Variants in P2RY2 observed in about 807,000 individuals in gnomAD.
The protein encoded by P2RY2 is P2Y purinoceptor 2.
For synonymous variants in P2RY2, 241 were observed against 231.9 expected (o/e 1.04, Z -0.35); for missense variants, 567 against 515.7 (o/e 1.10, Z -0.96).
Position 73,236,284 on chromosome 11 carries a change from A to T in P2RY2, c.*991A>T, listed in dbSNP as rs1195750486. 1.5e-6 allele frequency: 1 copy of T among 650,040 alleles called. No homozygotes were observed. Among genetic ancestry groups the T allele is most frequent in the Non-Finnish European group, 2.0e-6 (1 of 509,778 alleles). The allele number at this position is 650,040 out of a possible 1,614,324, so 40.3% of individuals were successfully genotyped here. A position where few individuals can be genotyped will look rare whatever the true frequency, so the allele number is the denominator to read the frequency against. Reference sequence around the variant, plus strand: ...GAACCCCTTCTTTGTAGAACTGCCCATTTCCATGGTGCAAAAACTCTTATG... The same window carrying T: ...GAACCCCTTCTTTGTAGAACTGCCCTTTTCCATGGTGCAAAAACTCTTATG... On this transcript the variant is annotated 3_prime_UTR_variant, in exon 3 of 3. Transcript: ENST00000393597.
intron 1 of P2RY2, among the ~76,000 whole-genome samples, chr11:73,222,779 C>T (rs573094336): frequency 6.6e-6 from 1 of 152,318 alleles, no homozygotes; most frequent in South Asian, 2.1e-4. Context: ...ACCACCTCCC[C>T]CAGGCCAGGT....
At chr11:73,223,072 A>G (rs1565135297) in intron 1 of P2RY2, among the ~76,000 whole-genome samples, 1 of 152,154 alleles carries the variant, frequency 6.6e-6, no homozygotes. Flanking sequence ...CTCAAAACCA[A>G]AGGCTATCAG....
At chr11:73,231,908 G>A (rs930960957) in intron 2 of P2RY2, among the ~76,000 whole-genome samples, 2 of 152,092 alleles carry the variant, frequency 1.3e-5, no homozygotes, top group Admixed American at 6.5e-5. Flanking sequence ...AAATTAGCCA[G>A]GTGTGGTAGC....
In P2RY2 at chr11:73,220,838, G is replaced by A. The variant is rs555350554; in HGVS notation, c.-200+2406G>A. Among the ~76,000 whole-genome samples, 7 of 152,242 alleles carry A rather than the reference G, an allele frequency of 4.6e-5. No homozygotes were observed. The East Asian group carries it at 1.4e-3, about 29-fold the overall frequency. On this transcript the variant is annotated intron_variant, in intron 1 of 2. Transcript: ENST00000393597. ...CTCCCTCCTGCCCTGGATGCATGGG[G>A]CTCTAAGGCTGTGGATCCCCCAAGG...
At chr11:73,221,060 GAGCTTTATA>G (rs1254181513) in intron 1 of P2RY2, among the ~76,000 whole-genome samples, 1 of 152,210 alleles carries the variant, frequency 6.6e-6, no homozygotes, top group African/African-American at 2.4e-5. Flanking sequence ...GACCAGGGAA[GAGCTTTATA>G]AGCCTTAAAC....
At chr11:73,229,517 C>T (rs1862386330) in intron 2 of P2RY2, among the ~76,000 whole-genome samples, 1 of 152,140 alleles carries the variant, frequency 6.6e-6, no homozygotes, top group East Asian at 1.9e-4. Flanking sequence ...AGGGGCTGTC[C>T]CTCTAAGGCA....
rs146599903 is a variant in P2RY2 at position 73,234,595 on chromosome 11, C to T, written c.436C>T (p.Arg146Trp). ...LRPLRSLRWG[R>W]ARYARRVAGA... The stretch of plus-strand genomic sequence containing the variant: ...ACCTCTGCGCTCCCTGCGCTGGGGC[C>T]GGGCCCGCTACGCTCGCCGGGTGGC... Residue 146 changes from arginine to tryptophan, a missense_variant, in exon 3 of 3, where the codon CGG becomes TGG. Transcript: ENST00000393597. 3.5e-5 allele frequency: 55 copies of T among 1,569,712 alleles called. No homozygotes were observed. Among genetic ancestry groups the T allele is most frequent in the Non-Finnish European group, 4.5e-5 (52 of 1,157,068 alleles).
In P2RY2 at chr11:73,234,688, C is replaced by G; in HGVS notation, c.529C>G (p.Arg177Gly). 1.2e-6 allele frequency: 2 copies of G among 1,602,956 alleles called. No homozygotes were observed. ...GCTCTACTTTGTCACCACCAGCGCG[C>G]GCGGGGGCCGCGTAACCTGCCACGA... ...PVLYFVTTSA[R>G]GGRVTCHDTS... Residue 177 changes from arginine to glycine, a missense_variant, in exon 3 of 3, where the codon CGC (arginine) becomes GGC (glycine). By Grantham distance (125) the Arg-to-Gly change is moderately radical. Transcript: ENST00000393597.
At position 73,235,946 on chromosome 11, in the gene P2RY2, T is replaced by C. The variant is rs1368181158; in HGVS notation, c.*653T>C. On this transcript the variant is annotated 3_prime_UTR_variant, in exon 3 of 3. Coordinates refer to ENST00000393597, the MANE Select transcript of P2RY2 (RefSeq NM_002564.4). ...GTGTTGCCTGCTGAGCTGTGCCCTA[T>C]TGTGTGGTCGGGGGATGAGGATATG... is the stretch of plus-strand genomic sequence containing the variant. 3.0e-6 allele frequency: 3 copies of C among 1,000,200 alleles called. No individual in the cohort carries two copies. Among genetic ancestry groups the C allele is most frequent in the African/African-American group, 3.5e-5 (2 of 57,210 alleles). The allele number at this position is 1,000,200 out of a possible 1,614,324, so 62.0% of individuals were successfully genotyped here.
At position 73,235,200 on chromosome 11, in the gene P2RY2, G is replaced by A; in HGVS notation, c.1041G>A (p.Gln347=). 6.2e-7 allele frequency: 1 copy of A among 1,612,392 alleles called. No individual in the cohort carries two copies. The highest frequency in any genetic ancestry group is 1.3e-5 in the African/African-American group (1 of 75,064). The change falls in exon 3 of 3, where the codon CAG becomes CAA. Residue 347 remains glutamine, a synonymous_variant. Transcript: ENST00000393597. ...GCAGATCCGACAGAACTGACATGCA[G>A]AGGATAGAAGATGTGTTGGGCAGCA... ...GLRRSDRTDM[Q]RIEDVLGSSE...
Position 73,234,403 on chromosome 11 carries a change from T to G in P2RY2, c.244T>G (p.Tyr82Asp). 1.2e-6 allele frequency: 2 copies of G among 1,614,240 alleles called. No homozygotes were observed. Among genetic ancestry groups the G allele is most frequent in the Non-Finnish European group, 1.7e-6 (2 of 1,180,038 alleles). ...MFHLAVSDAL[Y>D]AASLPLLVYY... The stretch of plus-strand genomic sequence containing the variant: ...CCACCTGGCTGTGTCTGATGCACTG[T>G]ATGCGGCCTCCCTGCCGCTGCTGGT... The change falls in exon 3 of 3, where the codon TAT becomes GAT. Residue 82 changes from tyrosine to aspartate, a missense_variant. Transcript: ENST00000393597.
chr11:73,230,014 C>T (rs544217994), intron 2 of P2RY2, among the ~76,000 whole-genome samples: 5 of 152,100 alleles, frequency 3.3e-5, no homozygotes, highest in Middle Eastern at 3.4e-3. Context: ...TGTCACCTGG[C>T]GTTTTGTGGC....
intron 2 of P2RY2, among the ~76,000 whole-genome samples, chr11:73,232,588 T>C (rs1862490571): frequency 6.6e-6 from 1 of 152,046 alleles, no homozygotes; most frequent in Non-Finnish European, 1.5e-5. Context: ...TGTGTATTTT[T>C]AGTAGAGACA....
Position 73,238,771 on chromosome 11 carries a change from C to A in P2RY2, c.*3478C>A, listed in dbSNP as rs1446513084. Among the ~76,000 whole-genome samples, 1 of 152,220 alleles carries A rather than the reference C, an allele frequency of 6.6e-6. No homozygotes were observed. The highest frequency in any genetic ancestry group is 1.5e-5 in the Non-Finnish European group (1 of 68,034). On this transcript the variant is annotated 3_prime_UTR_variant, in exon 3 of 3. Transcript: ENST00000393597. ...TGAGTCAGAGTGAGTCCAGGTTCACCTGATGGCCAGAATCATGCCCTTTAT... is the reference window on the plus strand; with the variant it reads ...TGAGTCAGAGTGAGTCCAGGTTCACATGATGGCCAGAATCATGCCCTTTAT...
In P2RY2 at chr11:73,229,823, G is replaced by A. The variant is rs139544505; in HGVS notation, c.-5+1648G>A. ...GTGAAGGGAAGTCAGGCCTCGGCAC[G>A]GGGGCAGAAACAGAGCAGTGGCGTG... is the stretch of plus-strand genomic sequence containing the variant. On this transcript the variant is annotated intron_variant, in intron 2 of 2. Coordinates refer to ENST00000393597, the MANE Select transcript of P2RY2 (RefSeq NM_002564.4). Among the ~76,000 whole-genome samples the A allele has an allele frequency of 4.0e-3, 616 of 152,142 alleles. 2 individuals carry two copies. Among genetic ancestry groups the A allele is most frequent in the African/African-American group, 0.014 (588 of 41,470 alleles).
chr11:73,229,019 TCA>T (rs1298389081), intron 2 of P2RY2, among the ~76,000 whole-genome samples: 1 of 151,972 alleles, frequency 6.6e-6, no homozygotes, highest in Non-Finnish European at 1.5e-5. Flanking sequence ...ATTCATTCAT[TCA>T]TTCTCTCATT....
At chr11:73,232,017 T>C (rs1565141207) in intron 2 of P2RY2, among the ~76,000 whole-genome samples, 1 of 152,068 alleles carries the variant, frequency 6.6e-6, no homozygotes, top group Non-Finnish European at 1.5e-5. Context: ...GCCATTGTAC[T>C]CCAGCCTTGG....
At position 73,218,370 on chromosome 11, in the gene P2RY2, A is replaced by C. The variant is rs1243662519; in HGVS notation, c.-262A>C. On this transcript the variant is annotated 5_prime_UTR_variant, in exon 1 of 3. Transcript: ENST00000393597. The stretch of plus-strand genomic sequence containing the variant: ...TCTGCGGCTGCGGCGGGACCCGGGC[A>C]CTGGCACCCGGGAGCGGCGGCGACG... 6.5e-6 allele frequency: 1 copy of C among 153,172 alleles called. No individual in the cohort carries two copies. The highest frequency in any genetic ancestry group is 1.5e-5 in the Non-Finnish European group (1 of 68,858). 9.5% of individuals were successfully genotyped at this position (153,172 alleles called of 1,614,324 possible).
chr11:73,232,931 T>C (rs1357832664), intron 2 of P2RY2, among the ~76,000 whole-genome samples: 1 of 152,100 alleles, frequency 6.6e-6, no homozygotes, highest in African/African-American at 2.4e-5. Flanking sequence ...GAGAGAGCTC[T>C]TAATTGGTCA....
Sources: allele counts gnomAD v4.1 joint callset (sites outside exome capture counted in the v4.1 genomes callset), GRCh38; gene constraint gnomAD v4.1.1; transcripts MANE v1.5; gene names NCBI Gene and HGNC (gene_info 2026-07-23, HGNC 2026-07-21).